APBA2: variants seen among roughly 807,000 people sequenced by gnomAD.
The protein encoded by APBA2 is amyloid-beta A4 precursor protein-binding family A member 2.
A neutral mutation model predicts 75.0 loss-of-function variants in APBA2; 30 were observed. That is an observed-to-expected ratio of 0.40 (90% CI 0.30 to 0.54). The LOEUF is 0.54. Ranked by LOEUF, APBA2 falls within the 20% of genes least tolerant of loss-of-function variation. APBA2 has a pLI of 0.49. For missense variants in APBA2, 801 were observed against 1,016.1 expected (o/e 0.79, Z 2.88); for synonymous variants, 444 against 409.6 (o/e 1.08, Z -1.01).
chr15:28,968,449 T>C (rs2152747684), intron 2 of APBA2, among the ~76,000 whole-genome samples: 1 of 152,322 alleles, frequency 6.6e-6, no homozygotes, highest in Admixed American at 6.5e-5. Context: ...CCTTCTTATT[T>C]TGGATGGGTG....
At chr15:28,897,342 C>CA (rs768016457) in intron 1 of APBA2, among the ~76,000 whole-genome samples, 7 of 152,220 alleles carry the variant, frequency 4.6e-5, no homozygotes, top group Non-Finnish European at 1.0e-4. Context: ...AAGCTGGGTG[C>CA]AGTGGCTCAA....
chr15:28,926,857 CT>C (rs1183331218), intron 2 of APBA2, among the ~76,000 whole-genome samples: 137 of 126,706 alleles, frequency 1.1e-3, no homozygotes, highest in Non-Finnish European at 1.2e-3. Flanking sequence ...CTCTCTCTCT[CT>C]TTTTTTTTTT....
In APBA2 at chr15:29,057,088, G is replaced by C. The variant is rs142111632; in HGVS notation, c.951+2253G>C. Among the ~76,000 whole-genome samples the C allele has an allele frequency of 1.4e-3, 208 of 152,270 alleles. 1 individual carries two copies. The highest frequency in any genetic ancestry group is 6.8e-3 in the Middle Eastern group (2 of 294). On this transcript the variant is annotated intron_variant, in intron 4 of 14. Transcript: ENST00000683413. ...CCATGTGTCCCATGCTCACCTCTCTGATCCCAGTGCTGTCCACATAGTGTA... is the reference window on the plus strand; with the variant it reads ...CCATGTGTCCCATGCTCACCTCTCTCATCCCAGTGCTGTCCACATAGTGTA...
intron 3 of APBA2, among the ~76,000 whole-genome samples, chr15:29,009,779 A>T (rs2039307994): frequency 6.6e-6 from 1 of 152,250 alleles, no homozygotes; most frequent in South Asian, 2.1e-4. Context: ...GTTACAGAGC[A>T]TTGTAAAAAT....
At chr15:28,939,634 C>G (rs1385138954) in intron 2 of APBA2, among the ~76,000 whole-genome samples, 1 of 152,200 alleles carries the variant, frequency 6.6e-6, no homozygotes, top group African/African-American at 2.4e-5. Flanking sequence ...TCTGGCCTCA[C>G]GAGACGTCTT....
chr15:28,938,413 T>C (rs897607821), intron 2 of APBA2, among the ~76,000 whole-genome samples: 1 of 152,268 alleles, frequency 6.6e-6, no homozygotes, highest in Non-Finnish European at 1.5e-5. Flanking sequence ...TGTTTGATGC[T>C]GACTTTTGTG....
chr15:28,924,159 G>A (rs1339443401), intron 2 of APBA2, among the ~76,000 whole-genome samples: 2 of 152,104 alleles, frequency 1.3e-5, no homozygotes, highest in African/African-American at 4.8e-5. Flanking sequence ...CCCTGGTGCT[G>A]TTGCTTTCCC....
intron 6 of APBA2, among the ~76,000 whole-genome samples, chr15:29,090,206 G>T (rs1321895679): frequency 6.6e-6 from 1 of 152,198 alleles, no homozygotes; most frequent in Non-Finnish European, 1.5e-5. Context: ...GTGGGTGGTG[G>T]CTGGAGTTGC....
At chr15:29,107,889 G>C (rs546588000) in intron 12 of APBA2, among the ~76,000 whole-genome samples, 1 of 152,324 alleles carries the variant, frequency 6.6e-6, no homozygotes, top group Admixed American at 6.5e-5. Context: ...TCCGTAGGAA[G>C]CTGTCCCGAA....
chr15:29,092,658 C>A (rs774497353), intron 6 of APBA2, among the ~76,000 whole-genome samples: 1 of 152,128 alleles, frequency 6.6e-6, no homozygotes, highest in Admixed American at 6.5e-5. Context: ...AGGACAGATG[C>A]ACAAGGACAG....
At chr15:28,943,982 G>A (rs532396963) in intron 2 of APBA2, among the ~76,000 whole-genome samples, 194 of 152,228 alleles carry the variant, frequency 1.3e-3, no homozygotes, top group Admixed American at 4.0e-3. Context: ...TCCCTACTGT[G>A]TCTGCTGGAC....
chr15:29,074,630 A>ACTGT (rs1399556941), intron 4 of APBA2, among the ~76,000 whole-genome samples: 1 of 152,156 alleles, frequency 6.6e-6, no homozygotes, highest in Non-Finnish European at 1.5e-5. Context: ...GTGCCACTGA[A>ACTGT]CTGTACACTT....
intron 2 of APBA2, among the ~76,000 whole-genome samples, chr15:28,934,461 G>A (rs2034737493): frequency 1.3e-5 from 2 of 152,160 alleles, no homozygotes; most frequent in South Asian, 4.1e-4. Flanking sequence ...AATGAAAAGG[G>A]AAAACTTTAG....
rs1293934473 is a variant in APBA2, at chr15:29,046,709, C to T, written c.-40-7136C>T. On this transcript the variant is annotated intron_variant, in intron 3 of 14. Transcript: ENST00000683413. The surrounding 1 kb of genome is among the most constrained non-coding windows in gnomAD (Gnocchi z 5.0). The stretch of plus-strand genomic sequence containing the variant: ...ACTCTCCAGGTGGGCCTTGTGCCCA[C>T]CAAAGTGAGCGAATCACTGCATTGG... Among the ~76,000 whole-genome samples the T allele has an allele frequency of 6.6e-6, 1 of 152,218 alleles. No homozygotes were observed. The highest frequency in any genetic ancestry group is 1.5e-5 in the Non-Finnish European group (1 of 68,046).
At chr15:29,092,222 A>C (rs1460232294) in intron 6 of APBA2, among the ~76,000 whole-genome samples, 1 of 152,170 alleles carries the variant, frequency 6.6e-6, no homozygotes, top group African/African-American at 2.4e-5. Context: ...TAAAACACGT[A>C]CCATCTCCCC....
intron 7 of APBA2, 68 bp downstream of exon 7, chr15:29,093,288 T>C: frequency 1.3e-6 from 2 of 1,586,750 alleles, no homozygotes; most frequent in East Asian, 4.6e-5. Context: ...GGAGGGAATA[T>C]GGCGGGGCGT....
intron 2 of APBA2, among the ~76,000 whole-genome samples, chr15:28,969,581 C>G (rs2036954927): frequency 6.6e-6 from 1 of 152,176 alleles, no homozygotes; most frequent in Admixed American, 6.5e-5. Context: ...ACATGCCCCT[C>G]CCTGATCAGC....
chr15:28,965,568 G>A (rs1036320148), intron 2 of APBA2, among the ~76,000 whole-genome samples: 1 of 152,166 alleles, frequency 6.6e-6, no homozygotes, highest in Non-Finnish European at 1.5e-5. Context: ...AGGCAGAATC[G>A]ACCTTTTAAC....
chr15:29,096,534 A>G (rs2043858379), intron 8 of APBA2, among the ~76,000 whole-genome samples: 1 of 152,248 alleles, frequency 6.6e-6, no homozygotes, highest in Non-Finnish European at 1.5e-5. Context: ...CAATTTTAAA[A>G]AACAGAAAAA....
Sources: gnomAD v4.1 joint callset for allele counts (sites outside exome capture counted in the v4.1 genomes callset) on GRCh38, gnomAD v4.1.1 for gene constraint, Gnocchi (gnomAD v3.1) non-coding constraint, MANE v1.5 for transcripts, NCBI Gene and HGNC (gene_info 2026-07-23, HGNC 2026-07-21) for gene names.